The following ZNF18 variants were observed in gnomAD, a reference collection of about 807,000 sequenced individuals.
ZNF18 encodes zinc finger protein 18, also known as heart development-specific gene 1 protein.
A neutral mutation model predicts 58.1 loss-of-function variants in ZNF18; 42 were observed. The ratio of observed to expected loss-of-function variants is 0.72; its 90% CI spans 0.56 to 0.93. The LOEUF is 0.93. ZNF18 is among the 40% of genes least tolerant of loss of function. The pLI is 0.00. For missense variants in ZNF18, 540 were observed against 644.2 expected, an observed-to-expected ratio of 0.84 and a Z score of 1.75; for synonymous variants, 231 against 239.8, an observed-to-expected ratio of 0.96 and a Z score of 0.34.
At chr17:12,014,563 C>T in the ZNF18 span, among the ~76,000 whole-genome samples, 1 of 152,128 alleles carries the variant, frequency 6.6e-6, no homozygotes, top group Non-Finnish European at 1.5e-5. Context: ...CTGTATGATT[C>T]CATTTGTATG....
intron 6 of ZNF18, among the ~76,000 whole-genome samples, chr17:11,980,365 T>A (rs534191477): frequency 6.6e-6 from 1 of 152,322 alleles, no homozygotes; most frequent in East Asian, 1.9e-4. Context: ...ATTTTTCTTA[T>A]CAACTTTCTT....
the ZNF18 span, among the ~76,000 whole-genome samples, chr17:12,014,804 A>AGGTATTGGT: frequency 6.6e-6 from 1 of 152,350 alleles, no homozygotes; most frequent in East Asian, 1.9e-4. Flanking sequence ...TAATACCAGC[A>AGGTATTGGT]CTTTGGGAGG....
rs146177974 is a variant in ZNF18 at position 11,984,975 on chromosome 17, A to G, written c.667-778T>C. 2.9e-3 allele frequency among the ~76,000 whole-genome samples: 440 copies of G among 152,354 alleles called. 2 individuals carry two copies. The highest frequency in any genetic ancestry group is 9.9e-3 in the African/African-American group (410 of 41,590). Reference sequence around the variant, plus strand: ...TCTGTTGGAAAAGCAAGTGCGAATCAGTAAGATGTAGTTAAGAGTCAACTG... The same window carrying G: ...TCTGTTGGAAAAGCAAGTGCGAATCGGTAAGATGTAGTTAAGAGTCAACTG... On this transcript the variant is annotated intron_variant, in intron 4 of 6. Coordinates refer to ENST00000580306, the MANE Select transcript of ZNF18 (RefSeq NM_001303281.2).
At chr17:12,019,334 G>A in the ZNF18 span, among the ~76,000 whole-genome samples, 1 of 124,410 alleles carries the variant, frequency 8.0e-6, no homozygotes, top group South Asian at 2.6e-4. Context: ...GTGTGTGTGT[G>A]TGTTTAAATT....
the ZNF18 span, chr17:12,011,185 TA>T: frequency 5.0e-4 from 285 of 568,356 alleles, 4 homozygotes; most frequent in Middle Eastern, 4.4e-3. Flanking sequence ...CTGGAGAACA[TA>T]TATCGGGTGC....
At chr17:12,004,695 T>C in the ZNF18 span, among the ~76,000 whole-genome samples, 3 of 152,084 alleles carry the variant, frequency 2.0e-5, no homozygotes, top group Admixed American at 6.6e-5. Flanking sequence ...GAAGCCAGCC[T>C]GGCCAACATA....
the ZNF18 span, chr17:12,010,821 C>T: frequency 7.0e-5 from 30 of 428,300 alleles, no homozygotes; most frequent in East Asian, 8.4e-4. Context: ...CTTTTCTGGG[C>T]AGTGCAGGCT....
intron 4 of ZNF18, among the ~76,000 whole-genome samples, chr17:11,988,278 G>C (rs944327716): frequency 4.6e-5 from 7 of 152,168 alleles, no homozygotes; most frequent in Non-Finnish European, 7.3e-5. Flanking sequence ...CAAGATCCCT[G>C]AAAGTGGGAA....
the ZNF18 span, among the ~76,000 whole-genome samples, chr17:12,018,961 TA>T: frequency 1.1e-4 from 17 of 151,034 alleles, no homozygotes; most frequent in Admixed American, 4.0e-4. Context: ...TATATATACA[TA>T]TTTTTTTTAA....
the ZNF18 span, chr17:12,020,930 G>A: frequency 8.2e-7 from 1 of 1,217,632 alleles, no homozygotes; most frequent in Non-Finnish European, 1.0e-6. Context: ...TCCGGGGGCG[G>A]CAGCGGCAGC....
At chr17:12,011,728 T>C in the ZNF18 span, among the ~76,000 whole-genome samples, 1 of 112,874 alleles carries the variant, frequency 8.9e-6, no homozygotes, top group Admixed American at 1.2e-4. Context: ...TGAGACGGAG[T>C]CTAGTTCTGT....
At position 11,991,068 on chromosome 17, in the gene ZNF18, C is replaced by A; in HGVS notation, c.483G>T (p.Val161=). 1 of 1,614,188 alleles carries A rather than the reference C, an allele frequency of 6.2e-7. No individual in the cohort carries two copies. The highest frequency in any genetic ancestry group is 8.5e-7 in the Non-Finnish European group (1 of 1,180,016). The change falls in exon 3 of 7, where the codon GTG becomes GTT. Residue 161 remains valine, a synonymous_variant. Transcript: ENST00000580306. The part of the protein sequence containing the change: ...VGEVEPHLEV[V]PQELGLENSS... ...AATTCTCAAGTCCCAACTCCTGAGGCACCACTTCAAGATGGGGCTCCACTT... is the reference window on the plus strand; with the variant it reads ...AATTCTCAAGTCCCAACTCCTGAGGAACCACTTCAAGATGGGGCTCCACTT...
At chr17:11,990,313 C>T (rs1221607841) in intron 4 of ZNF18, 149 bp downstream of exon 4, 4 of 584,130 alleles carry the variant, frequency 6.8e-6, no homozygotes, top group Admixed American at 3.1e-5. Context: ...TCTATTTTTA[C>T]AAAACTCTAG....
the ZNF18 span, among the ~76,000 whole-genome samples, chr17:12,015,153 T>C: frequency 1.3e-5 from 2 of 152,088 alleles, no homozygotes; most frequent in South Asian, 2.1e-4. Context: ...AACAAAACAG[T>C]ATTATTAAAT....
At chr17:12,006,454 A>G in the ZNF18 span, among the ~76,000 whole-genome samples, 1 of 152,206 alleles carries the variant, frequency 6.6e-6, no homozygotes, top group Admixed American at 6.5e-5. Flanking sequence ...ATGAGACAAT[A>G]TATGTAAAAT....
the ZNF18 span, among the ~76,000 whole-genome samples, chr17:12,019,880 G>A: frequency 6.6e-6 from 1 of 152,236 alleles, no homozygotes; most frequent in Admixed American, 6.5e-5. Flanking sequence ...TCTTTGGGAA[G>A]TAGGATAACT....
intron 4 of ZNF18, among the ~76,000 whole-genome samples, chr17:11,987,843 C>T (rs147861070): frequency 4.6e-5 from 7 of 152,248 alleles, no homozygotes; most frequent in African/African-American, 1.2e-4. Flanking sequence ...CCCCTGCCAC[C>T]TCCCCATCCA....
chr17:11,997,925 C>G (rs1481474321), upstream of ZNF18, among the ~76,000 whole-genome samples: 2 of 152,156 alleles, frequency 1.3e-5, no homozygotes, highest in African/African-American at 2.4e-5. Context: ...TTTGCCCCAA[C>G]CTTCTTCCTC....
the ZNF18 span, among the ~76,000 whole-genome samples, chr17:12,004,483 TTC>T: frequency 1.3e-5 from 2 of 152,144 alleles, no homozygotes; most frequent in Non-Finnish European, 1.5e-5. Flanking sequence ...ATAGTTACAC[TTC>T]TAACTTGAGT....
Sources: allele counts gnomAD v4.1 joint callset (sites outside exome capture counted in the v4.1 genomes callset), GRCh38; gene constraint gnomAD v4.1.1; transcripts MANE v1.5; gene names NCBI Gene and HGNC (gene_info 2026-07-23, HGNC 2026-07-21).